Variants in TNRC6B observed in about 807,000 individuals in gnomAD.
TNRC6B encodes the protein trinucleotide repeat-containing gene 6B protein.
A neutral mutation model predicts 203.6 loss-of-function variants in TNRC6B; 52 were observed. The observed-to-expected ratio is 0.26, with a 90% confidence interval of 0.20 to 0.32. The LOEUF (loss-of-function observed/expected upper bound fraction) is 0.32, where lower values mean the gene tolerates loss of function less well. Ranked by LOEUF, TNRC6B falls within the 10% of genes least tolerant of loss-of-function variation. The pLI, the probability that TNRC6B is intolerant of heterozygous loss-of-function variation, is 1.00. For missense variants in TNRC6B, 1,923 were observed against 2,286.2 expected (o/e 0.84, Z 3.24); for synonymous variants, 838 against 845.7 (o/e 0.99, Z 0.16).
At chr22:40,322,407 A>G (rs1267844973) in intron 22 of TNRC6B, among the ~76,000 whole-genome samples, 1 of 152,202 alleles carries the variant, frequency 6.6e-6, no homozygotes, top group Admixed American at 6.5e-5. Context: ...TCGGCCTTGT[A>G]CAGTATATGG....
At chr22:40,166,931 G>A (rs949419134) in intron 4 of TNRC6B, among the ~76,000 whole-genome samples, 10 of 151,732 alleles carry the variant, frequency 6.6e-5, no homozygotes, top group African/African-American at 2.4e-4. Flanking sequence ...AGCAATTTTG[G>A]GAAAACCTCT....
chr22:40,201,910 A>G (rs148501696), intron 1 of TNRC6B, among the ~76,000 whole-genome samples: 215 of 152,288 alleles, frequency 1.4e-3, no homozygotes, highest in African/African-American at 4.9e-3. Flanking sequence ...CAACTATTTC[A>G]GAATCCGAAA....
chr22:40,292,175 C>T (rs1345429609), intron 12 of TNRC6B, among the ~76,000 whole-genome samples: 2 of 150,080 alleles, frequency 1.3e-5, no homozygotes, highest in African/African-American at 4.9e-5. Flanking sequence ...GCTTGGGCGA[C>T]AGAGCAAGAC....
At chr22:40,178,893 A>G (rs2069099276) in intron 1 of TNRC6B, among the ~76,000 whole-genome samples, 1 of 152,234 alleles carries the variant, frequency 6.6e-6, no homozygotes, top group Admixed American at 6.5e-5. Context: ...GGTGTTTTAA[A>G]GATATGAACA....
At chr22:40,253,189 C>G (rs1006066253) in intron 3 of TNRC6B, among the ~76,000 whole-genome samples, 1 of 150,716 alleles carries the variant, frequency 6.6e-6, no homozygotes, top group African/African-American at 2.4e-5. Flanking sequence ...TCACGCCATT[C>G]TCCTGCATCA....
In TNRC6B at chr22:40,270,138, A is replaced by G. The variant is rs757751737; in HGVS notation, c.2823A>G (p.Thr941=). The change falls in exon 6 of 23, where the codon ACA becomes ACG. Residue 941 remains threonine, a synonymous_variant. Transcript: ENST00000454349. ...TCTTTATAGTCTGGAGCAAAAGCAC[A>G]CCACCTGCTCCAGATAATGGTACTT... is the stretch of plus-strand genomic sequence containing the variant. The part of the protein sequence containing the change: ...SKSASVWSKS[T]PPAPDNGTSA... 6.3e-7 allele frequency: 1 copy of G among 1,587,364 alleles called. No homozygotes were observed.
chr22:40,112,506 C>CTGGAT, intron 1 of TNRC6B, among the ~76,000 whole-genome samples: 2 of 152,306 alleles, frequency 1.3e-5, no homozygotes, highest in South Asian at 4.1e-4. Flanking sequence ...CCGACACAGC[C>CTGGAT]TGGATACCAG....
chr22:40,179,961 G>A (rs1040274726), intron 1 of TNRC6B, among the ~76,000 whole-genome samples: 1 of 152,198 alleles, frequency 6.6e-6, no homozygotes, highest in Admixed American at 6.5e-5. Flanking sequence ...TGTTATGTTA[G>A]TAATGGTAAT....
chr22:40,114,208 A>G lies in TNRC6B; in HGVS notation c.-120-2847A>G, dbSNP rs185202394. ...CTAGTAAGATACCAGCAAAATAAAT[A>G]TAGTTTGTTGAATATGTATTTCTTT... On this transcript the variant is annotated intron_variant, in intron 1 of 23. Transcript: ENST00000301923. Among the ~76,000 whole-genome samples, 462 of 152,346 alleles carry G rather than the reference A, an allele frequency of 3.0e-3. 2 individuals carry two copies. Among genetic ancestry groups the G allele is most frequent in the South Asian group, 0.013 (63 of 4,828 alleles).
chr22:40,218,735 G>A (rs540781046), intron 1 of TNRC6B, among the ~76,000 whole-genome samples: 49 of 152,194 alleles, frequency 3.2e-4, no homozygotes, highest in Middle Eastern at 3.4e-3. Flanking sequence ...AAGCATGGGC[G>A]GCACAAGATG....
chr22:40,323,083 A>G lies in TNRC6B; in HGVS notation c.5344A>G (p.Ser1782Gly), dbSNP rs375338474. Residue 1782 changes from serine to glycine, a missense_variant, in exon 23 of 23, where the codon AGC becomes GGC. Around this residue, in one of 8 missense-constraint regions of TNRC6B, gnomAD observed 126 missense variants for 137.5 expected, o/e 0.92. Transcript: ENST00000454349. ...GCAGTGGAGCAGCAGCGCTGGTGGC[A>G]GCAGCGGGGCCGATCTTGCTGGCGC... The part of the protein sequence containing the change: ...LGQWSSSAGG[S>G]SGADLAGASL... The G allele has an allele frequency of 4.4e-5, 70 of 1,606,418 alleles. No individual in the cohort carries two copies. Among genetic ancestry groups the G allele is most frequent in the Non-Finnish European group, 6.0e-6 (7 of 1,176,276 alleles).
intron 1 of TNRC6B, among the ~76,000 whole-genome samples, chr22:40,184,294 G>T (rs2069174109): frequency 6.6e-6 from 1 of 152,172 alleles, no homozygotes; most frequent in Admixed American, 6.6e-5. Flanking sequence ...GGTGCTCAGG[G>T]TGTTGGGGGG....
Position 40,310,883 on chromosome 22 carries a change from G to A in TNRC6B, c.4325G>A (p.Gly1442Asp), listed in dbSNP as rs1382331075. 6.2e-7 allele frequency: 1 copy of A among 1,612,494 alleles called. No homozygotes were observed. The highest frequency in any genetic ancestry group is 1.7e-5 in the Admixed American group (1 of 59,820). ...SPYNQFDIIPGDTLGGHTGPA... is the reference protein window; with the variant it reads ...SPYNQFDIIPDDTLGGHTGPA... ...TACAACCAGTTTGATATCATCCCTG[G>A]TGACACACTGGGTGGCCATACGGGT... Residue 1442 changes from glycine to aspartate, a missense_variant, in exon 17 of 23, where the codon GGT becomes GAT. Transcript: ENST00000454349.
chr22:40,255,881 C>G (rs2070269607), intron 3 of TNRC6B, among the ~76,000 whole-genome samples: 1 of 152,112 alleles, frequency 6.6e-6, no homozygotes, highest in Admixed American at 6.6e-5. Context: ...GAGACAGAGT[C>G]TTGCTCTGTT....
rs2071124735 is a variant in TNRC6B, at chr22:40,308,500, TCTC to T, written c.4121-9_4121-7del. 1.2e-6 allele frequency: 2 copies of T among 1,613,852 alleles called. No individual in the cohort carries two copies. The highest frequency in any genetic ancestry group is 1.1e-5 in the South Asian group (1 of 91,072). Reference sequence around the variant, plus strand: ...GCTGGAGACTTATAAAATGTGGTCTTCTCCTTTTTAGGCTTCAGCTCTGGCGGC... The same window carrying T: ...GCTGGAGACTTATAAAATGTGGTCTTCTTTTTAGGCTTCAGCTCTGGCGGC... On this transcript the variant is annotated splice_polypyrimidine_tract_variant and intron_variant, in intron 15 of 22. Coordinates refer to ENST00000454349, the MANE Select transcript of TNRC6B (RefSeq NM_001162501.2).
At chr22:40,132,835 T>A (rs1396767158) in intron 3 of TNRC6B, among the ~76,000 whole-genome samples, 1 of 146,238 alleles carries the variant, frequency 6.8e-6, no homozygotes, top group Non-Finnish European at 1.5e-5. Flanking sequence ...TCCCAGCTAC[T>A]TGGGAGGCTG....
At position 40,323,201 on chromosome 22, in the gene TNRC6B, T is replaced by C; in HGVS notation, c.5462T>C (p.Leu1821Pro). 1 of 1,613,436 alleles carries C rather than the reference T, an allele frequency of 6.2e-7. No individual in the cohort carries two copies. The highest frequency in any genetic ancestry group is 8.5e-7 in the Non-Finnish European group (1 of 1,179,872). Reference sequence around the variant, plus strand: ...AGGATGGGCAGCCCTGCTCCTTTACTACCTGGTGACCTTCTGGGAGGAGGG... The same window carrying C: ...AGGATGGGCAGCCCTGCTCCTTTACCACCTGGTGACCTTCTGGGAGGAGGG... ...PHRMGSPAPLLPGDLLGGGSD... is the reference protein window; with the variant it reads ...PHRMGSPAPLPPGDLLGGGSD... The change falls in exon 23 of 23, where the codon CTA (leucine) becomes CCA (proline). Residue 1821 changes from leucine (L) to proline (P), a missense_variant. By Grantham distance (98) the Leu-to-Pro change is moderately conservative. Coordinates refer to ENST00000454349, the MANE Select transcript of TNRC6B (RefSeq NM_001162501.2).
intron 4 of TNRC6B, among the ~76,000 whole-genome samples, chr22:40,166,431 C>CTT (rs200906353): frequency 2.1e-5 from 3 of 141,200 alleles, no homozygotes; most frequent in African/African-American, 5.2e-5. Flanking sequence ...ATGCTATACT[C>CTT]TTTTTTTTTT....
At position 40,333,022 on chromosome 22, in the gene TNRC6B, C is replaced by T. The variant is rs2043998475; in HGVS notation, c.*9781C>T. The T allele has an allele frequency of 6.6e-6, 1 of 152,166 alleles. No individual in the cohort carries two copies. The highest frequency in any genetic ancestry group is 2.1e-4 in the South Asian group (1 of 4,824). 9.4% of individuals were successfully genotyped at this position (152,166 alleles called of 1,614,324 possible). A position where few individuals can be genotyped will look rare whatever the true frequency, so the allele number is the denominator to read the frequency against. On this transcript the variant is annotated 3_prime_UTR_variant, in exon 23 of 23. Transcript: ENST00000454349. ...TGGAGGGGTGTTATCTCCATTGCCT[C>T]CCACACAGTGACAGCAGACCAGTAT...
Sources: allele counts gnomAD v4.1 joint callset (sites outside exome capture counted in the v4.1 genomes callset), GRCh38; gene constraint gnomAD v4.1.1; regional missense constraint gnomAD v4.1.1; transcripts MANE v1.5; gene names NCBI Gene and HGNC (gene_info 2026-07-23, HGNC 2026-07-21).